Variants in CSMD2 observed in about 807,000 individuals in gnomAD.
The protein encoded by CSMD2 is CUB and sushi domain-containing protein 2.
Under a neutral mutation model 398.5 loss-of-function variants are expected in CSMD2, and 130 were observed. That is an observed-to-expected ratio of 0.33 (90% confidence interval 0.28 to 0.38). The LOEUF (loss-of-function observed/expected upper bound fraction) is 0.38, where lower values mean the gene tolerates loss of function less well. Ranked by LOEUF, CSMD2 falls within the 10% of genes least tolerant of loss-of-function variation. CSMD2 has a pLI of 1.00. For missense variants in CSMD2, 3,829 were observed against 4,764.9 expected, an observed-to-expected ratio of 0.80 and a Z score of 5.78; for synonymous variants, 1,828 against 1,908.5, an observed-to-expected ratio of 0.96 and a Z score of 1.10.
rs560644643 is a variant in CSMD2 at position 33,646,024 on chromosome 1, T to C, written c.4774+624A>G. Reference sequence around the variant, plus strand: ...GTAAACCTACAATATTTACTATTTTTAGGGGAAAAATTGTTGACTCTTGCT... The same window carrying C: ...GTAAACCTACAATATTTACTATTTTCAGGGGAAAAATTGTTGACTCTTGCT... On this transcript the variant is annotated intron_variant, in intron 29 of 70. Coordinates refer to ENST00000373381, the MANE Select transcript of CSMD2 (RefSeq NM_001281956.2). 9.8e-5 allele frequency among the ~76,000 whole-genome samples: 15 copies of C among 152,332 alleles called. No homozygotes were observed. In the South Asian group the frequency reaches 3.1e-3, roughly 32 times the overall value.
At chr1:33,941,965 G>A (rs189448984) in intron 3 of CSMD2, among the ~76,000 whole-genome samples, 18 of 152,204 alleles carry the variant, frequency 1.2e-4, no homozygotes, top group Middle Eastern at 3.4e-3. Flanking sequence ...CCTTGCTACA[G>A]TGTAAGCTCC....
rs753174399 is a variant in CSMD2 at position 33,605,334 on chromosome 1, C to G, written c.6480G>C (p.Thr2160=). 1.9e-6 allele frequency: 3 copies of G among 1,614,168 alleles called. No homozygotes were observed. Among genetic ancestry groups the G allele is most frequent in the Non-Finnish European group, 1.7e-6 (2 of 1,180,026 alleles). The change falls in exon 42 of 71, where the codon ACG becomes ACC. Residue 2160 remains threonine (T), a synonymous_variant. Coordinates refer to ENST00000373381, the MANE Select transcript of CSMD2 (RefSeq NM_001281956.2). ...AGTTCCGGTTGGTGCCATGTTGACA[C>G]GTGAGGACAGGGTGGCCAGTCAATT... ...GYQLTGHPVL[T]CQHGTNRNWD... is the part of the protein sequence containing the mutation.
chr1:33,921,052 G>C (rs1202644900), intron 4 of CSMD2, among the ~76,000 whole-genome samples: 1 of 152,200 alleles, frequency 6.6e-6, no homozygotes, highest in Non-Finnish European at 1.5e-5. Flanking sequence ...GGGACATGCA[G>C]AGATGACAGA....
At position 33,610,733 on chromosome 1, in the gene CSMD2, G is replaced by A. The variant is rs137915837; in HGVS notation, c.6343+308C>T. Among the ~76,000 whole-genome samples the A allele has an allele frequency of 4.5e-3, 693 of 152,334 alleles. 9 individuals are homozygous for A. Among genetic ancestry groups the A allele is most frequent in the African/African-American group, 0.016 (647 of 41,564 alleles). ...TATCAAGCCCGAGGGGAAGTGACTG[G>A]CTGGACAGTTTGGGACACCTGAGAA... On this transcript the variant is annotated intron_variant, in intron 41 of 70. Coordinates refer to ENST00000373381, the MANE Select transcript of CSMD2 (RefSeq NM_001281956.2).
intron 3 of CSMD2, among the ~76,000 whole-genome samples, chr1:34,008,471 C>T (rs1035259686): frequency 5.3e-5 from 8 of 152,160 alleles, no homozygotes; most frequent in Non-Finnish European, 1.5e-5. Context: ...ATACAAAGAA[C>T]TGCTAGGTCT....
intron 15 of CSMD2, among the ~76,000 whole-genome samples, chr1:33,738,790 G>A (rs1400391609): frequency 1.3e-5 from 2 of 152,182 alleles, no homozygotes; most frequent in Non-Finnish European, 2.9e-5. Flanking sequence ...TCGCAGCGCT[G>A]CCAATGCTAC....
At chr1:33,742,685 TG>T (rs564791889) in intron 14 of CSMD2, among the ~76,000 whole-genome samples, 373 of 142,088 alleles carry the variant, frequency 2.6e-3, no homozygotes, top group Admixed American at 5.8e-3. Context: ...AAACTGGAGG[TG>T]GCAACTTTCA....
intron 21 of CSMD2, chr1:33,709,497 T>C: frequency 3.8e-6 from 2 of 522,876 alleles, no homozygotes; most frequent in Non-Finnish European, 6.7e-6. Context: ...GCTGTTTGTC[T>C]GTCTCTCTCC....
intron 25 of CSMD2, among the ~76,000 whole-genome samples, chr1:33,677,833 TCATTCTCAGCAAACTATCACAA>T (rs1434502791): frequency 6.6e-6 from 1 of 151,386 alleles, no homozygotes; most frequent in Non-Finnish European, 1.5e-5. Flanking sequence ...CTGGGAACCA[TCATTCTCAGCAAACTATCACAA>T]GGACAAAAAA....
chr1:34,044,860 C>T (rs1652295739), intron 2 of CSMD2, among the ~76,000 whole-genome samples: 1 of 152,126 alleles, frequency 6.6e-6, no homozygotes, highest in Admixed American at 6.6e-5. Flanking sequence ...TAAATGTAAG[C>T]AACGTTTGTC....
chr1:33,536,932 G>T, intron 62 of CSMD2, 90 bp downstream of exon 62: 1 of 1,281,194 alleles, frequency 7.8e-7, no homozygotes, highest in Non-Finnish European at 1.1e-6. Context: ...CCTGAGTGCT[G>T]TCCTGAGGAA....
At chr1:33,955,661 T>C (rs903773985) in intron 3 of CSMD2, among the ~76,000 whole-genome samples, 6 of 152,154 alleles carry the variant, frequency 3.9e-5, no homozygotes, top group Non-Finnish European at 8.8e-5. Context: ...GTGGTGAGGA[T>C]TGATAAAATG....
chr1:34,043,935 T>C (rs899579521), intron 2 of CSMD2, among the ~76,000 whole-genome samples: 9 of 152,208 alleles, frequency 5.9e-5, no homozygotes, highest in South Asian at 2.1e-4. Flanking sequence ...TTGTCACAAT[T>C]AGTTGCCAGG....
intron 7 of CSMD2, among the ~76,000 whole-genome samples, chr1:33,825,409 A>T (rs1658680848): frequency 6.6e-6 from 1 of 152,242 alleles, no homozygotes; most frequent in South Asian, 2.1e-4. Flanking sequence ...AGGAAAATAA[A>T]GAGAGAAATG....
intron 2 of CSMD2, among the ~76,000 whole-genome samples, chr1:34,055,799 C>T (rs1187971334): frequency 6.6e-6 from 1 of 152,160 alleles, no homozygotes; most frequent in Non-Finnish European, 1.5e-5. Flanking sequence ...AAATCATAGG[C>T]CAGTGGTGAT....
chr1:33,948,320 C>T (rs113736965), intron 3 of CSMD2, among the ~76,000 whole-genome samples: 4,414 of 152,176 alleles, frequency 0.029, 225 homozygotes, highest in African/African-American at 0.1. Context: ...TGCCTTCTGC[C>T]CTGGACAAGC....
chr1:34,096,490 A>G (rs1367860061), intron 1 of CSMD2, among the ~76,000 whole-genome samples: 1 of 149,354 alleles, frequency 6.7e-6, no homozygotes, highest in African/African-American at 2.5e-5. Flanking sequence ...TGCAGACGAC[A>G]TGATTGTATA....
intron 3 of CSMD2, among the ~76,000 whole-genome samples, chr1:33,951,281 A>T (rs1296077533): frequency 6.6e-6 from 1 of 152,208 alleles, no homozygotes; most frequent in Non-Finnish European, 1.5e-5. Flanking sequence ...CAAGAGGCAC[A>T]TGGCTTACTG....
At chr1:33,758,681 C>T (rs1205109961) in intron 13 of CSMD2, among the ~76,000 whole-genome samples, 2 of 152,186 alleles carry the variant, frequency 1.3e-5, no homozygotes, top group Non-Finnish European at 2.9e-5. Flanking sequence ...TCTCCTTGCC[C>T]TTGCTATACA....
Sources: allele counts gnomAD v4.1 joint callset (sites outside exome capture counted in the v4.1 genomes callset), GRCh38; gene constraint gnomAD v4.1.1; transcripts MANE v1.5; gene names NCBI Gene and HGNC (gene_info 2026-07-23, HGNC 2026-07-21).